RGS17: variants seen among roughly 807,000 people sequenced by gnomAD.
The protein encoded by RGS17 is regulator of G protein signaling 17, also known as regulator of G-protein signaling 17.
Under a neutral mutation model 25.5 loss-of-function variants are expected in RGS17, and 12 were observed. The ratio of observed to expected loss-of-function variants is 0.47; its 90% confidence interval spans 0.30 to 0.76. RGS17 has a LOEUF of 0.76. RGS17 is among the 30% of genes least tolerant of loss of function. The pLI, the probability that RGS17 is intolerant of heterozygous loss-of-function variation, is 0.07. For synonymous variants in RGS17, 71 were observed against 76.9 expected (o/e 0.92, Z 0.40); for missense variants, 196 against 242.2 (o/e 0.81, Z 1.27).
At chr6:153,092,893 A>G (rs915428783) in intron 1 of RGS17, among the ~76,000 whole-genome samples, 3 of 152,118 alleles carry the variant, frequency 2.0e-5, no homozygotes, top group Non-Finnish European at 4.4e-5. Context: ...TCATTTGAAA[A>G]CCAGTGAAAG....
intron 4 of RGS17, among the ~76,000 whole-genome samples, chr6:153,020,120 ATATATATATATATATATATTTTTTTTT>A (rs1779228618): frequency 1.2e-5 from 1 of 86,850 alleles, no homozygotes; most frequent in Non-Finnish European, 2.1e-5. Context: ...AAATATATAT[ATATATATATATATATATATTTTTTTTT>A]TTTTTTTTTT....
intron 1 of RGS17, among the ~76,000 whole-genome samples, chr6:153,068,540 T>C (rs1020418469): frequency 1.3e-5 from 2 of 152,178 alleles, no homozygotes; most frequent in African/African-American, 4.8e-5. Context: ...TACACTGGGC[T>C]GGACAAAAAT....
At position 153,032,574 on chromosome 6, in the gene RGS17, G is replaced by GA. The variant is rs10531899; in HGVS notation, c.120-6032dup. Among the ~76,000 whole-genome samples, 1,260 of 145,030 alleles carry GA rather than the reference G, an allele frequency of 8.7e-3. 6 individuals carry two copies. The highest frequency in any genetic ancestry group is 0.014 in the Non-Finnish European group (929 of 65,524). Reference sequence around the variant, plus strand: ...TTTCTGCGGGTAAATACCCTTATTTGAAAAAAAAAAAAAAAGTCTATTCAT... The same window carrying GA: ...TTTCTGCGGGTAAATACCCTTATTTGAAAAAAAAAAAAAAAAGTCTATTCAT... On this transcript the variant is annotated intron_variant, in intron 2 of 4. Coordinates refer to ENST00000206262, the MANE Select transcript of RGS17 (RefSeq NM_012419.5).
Position 153,024,162 on chromosome 6 carries a change from AC to A in RGS17, c.444+99del, listed in dbSNP as rs1179825311. The A allele has an allele frequency of 4.9e-4, 354 of 718,848 alleles. 1 individual carries two copies. Among genetic ancestry groups the A allele is most frequent in the Non-Finnish European group, 1.1e-4 (48 of 423,652 alleles). The allele number at this position is 718,848 out of a possible 1,614,324, so 44.5% of individuals were successfully genotyped here. On this transcript the variant is annotated intron_variant, in intron 4 of 4. Transcript: ENST00000206262. ...AATTATCTACCCAGTGAAATCTTCT[AC>A]CCTCTCCACACCCCATGCCCTACCC...
At position 153,110,697 on chromosome 6, in the gene RGS17, G is replaced by A. The variant is rs560079952; in HGVS notation, c.-26+20427C>T. ...GTCTGCAGGTCACAGTGAGATCAAC[G>A]CAGAAGGCAGGTGATTTCTGCATTT... is the stretch of plus-strand genomic sequence containing the variant. On this transcript the variant is annotated intron_variant, in intron 1 of 4. Transcript: ENST00000206262. Among the ~76,000 whole-genome samples, 5 of 152,276 alleles carry A rather than the reference G, an allele frequency of 3.3e-5. No homozygotes were observed. The East Asian group carries it at 9.7e-4, about 29-fold the overall frequency.
chr6:153,083,532 C>T (rs1777011605), intron 1 of RGS17, among the ~76,000 whole-genome samples: 1 of 152,120 alleles, frequency 6.6e-6, no homozygotes, highest in African/African-American at 2.4e-5. Context: ...AGTGGTAAGT[C>T]TGTTTTTATG....
In RGS17 at chr6:153,011,292, CGAG is replaced by C; in HGVS notation, c.*279_*281del. On this transcript the variant is annotated 3_prime_UTR_variant, in exon 5 of 5. Coordinates refer to ENST00000206262, the MANE Select transcript of RGS17 (RefSeq NM_012419.5). Reference sequence around the variant, plus strand: ...TGCACATGCAGTCTCTGGAGATACACGAGGAGACTGTTCATAGGACTACAAATA... The same window carrying C: ...TGCACATGCAGTCTCTGGAGATACACGAGACTGTTCATAGGACTACAAATA... 1 of 317,368 alleles carries C rather than the reference CGAG, an allele frequency of 3.2e-6. No individual in the cohort carries two copies. The highest frequency in any genetic ancestry group is 5.8e-6 in the Non-Finnish European group (1 of 173,874). The allele number at this position is 317,368 out of a possible 1,614,324, so 19.7% of individuals were successfully genotyped here. A position where few individuals can be genotyped will look rare whatever the true frequency, so the allele number is the denominator to read the frequency against.
intron 2 of RGS17, 111 bp from the exon 3 acceptor site, chr6:153,026,654 G>T: frequency 1.4e-6 from 1 of 723,566 alleles, no homozygotes; most frequent in Non-Finnish European, 2.3e-6. Flanking sequence ...TCAACTATGT[G>T]AGAATATTTA....
chr6:153,105,106 T>C (rs905381125), intron 1 of RGS17, among the ~76,000 whole-genome samples: 1 of 152,148 alleles, frequency 6.6e-6, no homozygotes, highest in African/African-American at 2.4e-5. Flanking sequence ...AGGGCCAATG[T>C]AAGGACTTTG....
Position 153,037,199 on chromosome 6 carries a change from C to G in RGS17, c.119+6701G>C, listed in dbSNP as rs75825575. On this transcript the variant is annotated intron_variant, in intron 2 of 4. Transcript: ENST00000206262. Reference sequence around the variant, plus strand: ...ACACACACACACACACACACACACACAGACACACACACACACACACACAGG... The same window carrying G: ...ACACACACACACACACACACACACAGAGACACACACACACACACACACAGG... Among the ~76,000 whole-genome samples, 468 of 63,720 alleles carry G rather than the reference C, an allele frequency of 7.3e-3. 3 individuals carry two copies. The highest frequency in any genetic ancestry group is 0.017 in the East Asian group (14 of 848). The allele number at this position is 63,720 out of a possible 152,430, so 41.8% of individuals were successfully genotyped here. A position where few individuals can be genotyped will look rare whatever the true frequency, so the allele number is the denominator to read the frequency against.
intron 2 of RGS17, among the ~76,000 whole-genome samples, chr6:153,041,548 T>G (rs929748287): frequency 4.6e-5 from 7 of 151,882 alleles, no homozygotes; most frequent in African/African-American, 1.7e-4. Flanking sequence ...CACTAAATAT[T>G]TATATGGCAG....
At chr6:153,084,419 A>C (rs375328164) in intron 1 of RGS17, among the ~76,000 whole-genome samples, 6 of 152,340 alleles carry the variant, frequency 3.9e-5, no homozygotes, top group East Asian at 1.9e-4. Flanking sequence ...CATGGGGGTC[A>C]CTGCAACCAG....
chr6:153,100,471 T>C (rs571432991), intron 1 of RGS17, among the ~76,000 whole-genome samples: 6 of 152,254 alleles, frequency 3.9e-5, no homozygotes, highest in Admixed American at 2.6e-4. Context: ...ATACATTGTA[T>C]ACACATATTA....
chr6:153,042,838 A>G lies in RGS17; in HGVS notation c.119+1062T>C, dbSNP rs117597427. Among the ~76,000 whole-genome samples, 474 of 152,312 alleles carry G rather than the reference A, an allele frequency of 3.1e-3. 9 individuals are homozygous for G. Among genetic ancestry groups the G allele is most frequent in the Admixed American group, 0.02 (308 of 15,296 alleles). The stretch of plus-strand genomic sequence containing the variant: ...CCACAATGATACAACATTTTGTCAT[A>G]TCAAAAAAGAAACCTCAATATATGT... On this transcript the variant is annotated intron_variant, in intron 2 of 4. Transcript: ENST00000206262.
chr6:153,021,150 TTGAGAC>T (rs1286966567), intron 4 of RGS17, among the ~76,000 whole-genome samples: 1 of 152,202 alleles, frequency 6.6e-6, no homozygotes, highest in East Asian at 1.9e-4. Context: ...GAACTGAATG[TTGAGAC>T]TCAGAGGGGT....
chr6:153,041,126 C>T (rs1776316624), intron 2 of RGS17, among the ~76,000 whole-genome samples: 1 of 152,064 alleles, frequency 6.6e-6, no homozygotes, highest in African/African-American at 2.4e-5. Context: ...GACTGTGCCA[C>T]TGCAATCAAG....
At chr6:153,105,198 C>A (rs888177544) in intron 1 of RGS17, among the ~76,000 whole-genome samples, 1 of 152,134 alleles carries the variant, frequency 6.6e-6, no homozygotes. Context: ...ATAACTCTGT[C>A]CTAGGCATCC....
In RGS17 at chr6:153,097,594, C is replaced by T. The variant is rs546078015; in HGVS notation, c.-26+33530G>A. Among the ~76,000 whole-genome samples the T allele has an allele frequency of 5.9e-5, 9 of 152,002 alleles. No individual in the cohort carries two copies. The South Asian group carries it at 1.7e-3, about 28-fold the overall frequency. On this transcript the variant is annotated intron_variant, in intron 1 of 4. Transcript: ENST00000206262. Reference sequence around the variant, plus strand: ...CGTGCAGTGGAGTCAAAGACTTGGGCAACACTGAGAAGAATCTCAGTGTTG... The same window carrying T: ...CGTGCAGTGGAGTCAAAGACTTGGGTAACACTGAGAAGAATCTCAGTGTTG...
chr6:153,040,828 T>C lies in RGS17; in HGVS notation c.119+3072A>G, dbSNP rs372223623. Among the ~76,000 whole-genome samples the C allele has an allele frequency of 1.3e-4, 20 of 152,160 alleles. 1 individual carries two copies. The South Asian group carries it at 3.7e-3, about 28-fold the overall frequency. The stretch of plus-strand genomic sequence containing the variant: ...ACAATATAGTCATAATTAAAATCCA[T>C]AGTTCAAGGAACTTTAACTTTTATC... On this transcript the variant is annotated intron_variant, in intron 2 of 4. Transcript: ENST00000206262.
Sources: allele counts gnomAD v4.1 joint callset (sites outside exome capture counted in the v4.1 genomes callset), GRCh38; gene constraint gnomAD v4.1.1; transcripts MANE v1.5; gene names NCBI Gene and HGNC (gene_info 2026-07-23, HGNC 2026-07-21).